The following FER variants were observed in gnomAD, a reference collection of about 807,000 sequenced individuals.
FER encodes tyrosine-protein kinase Fer.
A neutral mutation model predicts 111.0 loss-of-function variants in FER; 63 were observed. The observed-to-expected ratio is 0.57, with a 90% CI of 0.46 to 0.70. The LOEUF is 0.70. Ranked by LOEUF, FER falls within the 30% of genes least tolerant of loss-of-function variation. The pLI is 0.00. For synonymous variants in FER, 327 were observed against 313.9 expected, an observed-to-expected ratio of 1.04 and a Z score of -0.44; for missense variants, 914 against 954.0, an observed-to-expected ratio of 0.96 and a Z score of 0.55.
At chr5:109,179,214 A>G (rs1758021831) in intron 17 of FER, among the ~76,000 whole-genome samples, 1 of 152,218 alleles carries the variant, frequency 6.6e-6, no homozygotes, top group African/African-American at 2.4e-5. Flanking sequence ...ATATCAGAAA[A>G]GTAGTAAAAT....
intron 12 of FER, among the ~76,000 whole-genome samples, chr5:108,955,286 A>T (rs921864822): frequency 4.6e-5 from 7 of 151,758 alleles, no homozygotes; most frequent in Non-Finnish European, 8.8e-5. Context: ...TGAAACTTAT[A>T]CTTTTGAAAT....
At chr5:108,885,266 C>T (rs1018436817) in intron 9 of FER, among the ~76,000 whole-genome samples, 1 of 151,984 alleles carries the variant, frequency 6.6e-6, no homozygotes, top group African/African-American at 2.4e-5. Flanking sequence ...AATCTCCATA[C>T]AACCCAACCA....
chr5:108,798,161 A>T lies in FER; in HGVS notation c.-22A>T, dbSNP rs925734590. The stretch of plus-strand genomic sequence containing the variant: ...TAGAAGGCTCACTTGTGCAGTGTGG[A>T]GGATAACCAGTGCCTTACAAAATGG... On this transcript the variant is annotated 5_prime_UTR_variant, in exon 3 of 20. Coordinates refer to ENST00000281092, the MANE Select transcript of FER (RefSeq NM_005246.4). The T allele has an allele frequency of 6.3e-7, 1 of 1,597,494 alleles. No homozygotes were observed. The highest frequency in any genetic ancestry group is 1.7e-5 in the Admixed American group (1 of 59,952).
At chr5:109,104,899 C>T (rs537823489) in intron 17 of FER, among the ~76,000 whole-genome samples, 137 of 152,098 alleles carry the variant, frequency 9.0e-4, no homozygotes, top group Admixed American at 2.2e-3. Context: ...CCCGCCACCA[C>T]GCCCGGCTAA....
chr5:108,954,101 T>C (rs1207406250), intron 11 of FER, among the ~76,000 whole-genome samples: 1 of 152,090 alleles, frequency 6.6e-6, no homozygotes, highest in East Asian at 1.9e-4. Flanking sequence ...GTGTTTGTAA[T>C]TGCATGTTGG....
chr5:108,914,113 GCA>G (rs1751926080), intron 10 of FER, among the ~76,000 whole-genome samples: 1 of 151,990 alleles, frequency 6.6e-6, no homozygotes, highest in African/African-American at 2.4e-5. Flanking sequence ...TTTATAACCT[GCA>G]CACTTTTGAT....
chr5:108,815,530 A>G (rs945284981), intron 3 of FER, among the ~76,000 whole-genome samples: 1 of 152,074 alleles, frequency 6.6e-6, no homozygotes, highest in African/African-American at 2.4e-5. Flanking sequence ...TTTAACAGCT[A>G]TTGTATTGTT....
chr5:109,195,260 A>G lies in FER; in HGVS notation c.*7685A>G, dbSNP rs959912497. On this transcript the variant is annotated 3_prime_UTR_variant, in exon 20 of 20. Coordinates refer to ENST00000281092, the MANE Select transcript of FER (RefSeq NM_005246.4). The stretch of plus-strand genomic sequence containing the variant: ...AAAGTACGTTGCTTGTATTTAGACT[A>G]TAAGATGCTATGGAGGTCTATCCCA... 1 of 152,112 alleles carries G rather than the reference A, an allele frequency of 6.6e-6. No individual in the cohort carries two copies. Among genetic ancestry groups the G allele is most frequent in the Non-Finnish European group, 1.5e-5 (1 of 68,014 alleles). The allele number at this position is 152,112 out of a possible 1,614,324, so 9.4% of individuals were successfully genotyped here. A position where few individuals can be genotyped will look rare whatever the true frequency, so the allele number is the denominator to read the frequency against.
At chr5:108,967,759 CAAAAAA>C (rs774855414) in intron 13 of FER, among the ~76,000 whole-genome samples, 3 of 34,474 alleles carry the variant, frequency 8.7e-5, no homozygotes, top group Admixed American at 6.3e-4. Context: ...GACTCCGTCT[CAAAAAA>C]AAAAAAAAAA....
chr5:108,826,091 G>A (rs1212687804), intron 3 of FER, among the ~76,000 whole-genome samples: 4 of 152,096 alleles, frequency 2.6e-5, no homozygotes, highest in Non-Finnish European at 5.9e-5. Context: ...ATTATGTTGA[G>A]ATACATTGAT....
At chr5:108,846,655 C>A (rs967253565) in intron 5 of FER, among the ~76,000 whole-genome samples, 6 of 151,770 alleles carry the variant, frequency 4.0e-5, no homozygotes, top group Non-Finnish European at 1.5e-5. Context: ...CGATCACGGC[C>A]CACTGCGAGC....
chr5:108,830,635 T>C (rs977339287), intron 3 of FER: 6 of 152,168 alleles, frequency 3.9e-5, no homozygotes, highest in Non-Finnish European at 7.3e-5. Context: ...GTTGTAATAG[T>C]CTAAGCCAGA....
intron 10 of FER, among the ~76,000 whole-genome samples, chr5:108,911,281 G>A (rs1751509195): frequency 6.6e-6 from 1 of 151,966 alleles, no homozygotes; most frequent in South Asian, 2.1e-4. Flanking sequence ...TTTGAGAAAT[G>A]TGTGTTCATG....
At chr5:109,123,157 G>GCTT (rs1554142075) in intron 17 of FER, among the ~76,000 whole-genome samples, 1 of 124,230 alleles carries the variant, frequency 8.0e-6, no homozygotes, top group Non-Finnish European at 1.7e-5. Context: ...TTCCTGTCTT[G>GCTT]TTTTTTTTTT....
At position 108,934,435 on chromosome 5, in the gene FER, T is replaced by C. The variant is rs548889352; in HGVS notation, c.1237-11695T>C. ...TAGAATAAAAATTATGGCCCAGTAATTTTCACACTTATTTTTAATGTTAAT... is the reference window on the plus strand; with the variant it reads ...TAGAATAAAAATTATGGCCCAGTAACTTTCACACTTATTTTTAATGTTAAT... On this transcript the variant is annotated intron_variant, in intron 10 of 19. Transcript: ENST00000281092. Among the ~76,000 whole-genome samples, 134 of 152,288 alleles carry C rather than the reference T, an allele frequency of 8.8e-4. 1 individual carries two copies. Among genetic ancestry groups the C allele is most frequent in the South Asian group, 8.3e-4 (4 of 4,826 alleles).
At chr5:108,883,323 A>C in intron 8 of FER, 73 bp from the exon 9 acceptor site, 1 of 1,393,366 alleles carries the variant, frequency 7.2e-7, no homozygotes, top group Non-Finnish European at 9.6e-7. Flanking sequence ...CATAAGATGT[A>C]TGAATACTTT....
In FER at chr5:109,189,924, C is replaced by G. The variant is rs1759257781; in HGVS notation, c.*2349C>G. The G allele has an allele frequency of 1.3e-5, 2 of 152,202 alleles. No homozygotes were observed. Among genetic ancestry groups the G allele is most frequent in the South Asian group, 4.1e-4 (2 of 4,824 alleles). 9.4% of individuals were successfully genotyped at this position (152,202 alleles called of 1,614,324 possible). A position where few individuals can be genotyped will look rare whatever the true frequency, so the allele number is the denominator to read the frequency against. On this transcript the variant is annotated 3_prime_UTR_variant, in exon 20 of 20. Transcript: ENST00000281092. ...CTTAAATTTAAAAAGCTTTTCAAAA[C>G]ATCGTGACATGTGTAGCATTTAAAT...
At chr5:108,990,126 A>G (rs1330261781) in intron 13 of FER, among the ~76,000 whole-genome samples, 2 of 151,970 alleles carry the variant, frequency 1.3e-5, no homozygotes, top group African/African-American at 4.8e-5. Flanking sequence ...GCTTCTTAAC[A>G]TTAGTGTATA....
rs755059240 is a variant in FER, at chr5:108,770,110, G to A, written c.-60+1872G>A. Among the ~76,000 whole-genome samples the A allele has an allele frequency of 1.7e-4, 26 of 152,162 alleles. 1 individual carries two copies. The highest frequency in any genetic ancestry group is 6.2e-4 in the South Asian group (3 of 4,812). Reference sequence around the variant, plus strand: ...ATTACAGGCATGTGCCACCATGCCCGGCTAATTTCGTATTTTTAGTAGAGA... The same window carrying A: ...ATTACAGGCATGTGCCACCATGCCCAGCTAATTTCGTATTTTTAGTAGAGA... On this transcript the variant is annotated intron_variant, in intron 2 of 19. Coordinates refer to ENST00000281092, the MANE Select transcript of FER (RefSeq NM_005246.4).
Sources: gnomAD v4.1 joint callset for allele counts (sites outside exome capture counted in the v4.1 genomes callset) on GRCh38, gnomAD v4.1.1 for gene constraint, MANE v1.5 for transcripts, NCBI Gene and HGNC (gene_info 2026-07-23, HGNC 2026-07-21) for gene names.